Variants in ROR2 observed in about 807,000 individuals in gnomAD.
ROR2 encodes ROR family WNT receptor 2.
In ROR2, 33 loss-of-function variants were observed where a neutral mutation model predicts 74.9. That is an observed-to-expected ratio of 0.44 (90% CI 0.33 to 0.59). The LOEUF (loss-of-function observed/expected upper bound fraction) is 0.59. Ranked by LOEUF, ROR2 falls within the 20% of genes least tolerant of loss-of-function variation. ROR2 has a pLI of 0.02. For missense variants in ROR2, 1,216 were observed against 1,313.8 expected (o/e 0.93, Z 1.15); for synonymous variants, 586 against 558.7 (o/e 1.05, Z -0.69).
chr9:91,927,609 G>A (rs1268048222), intron 1 of ROR2, among the ~76,000 whole-genome samples: 1 of 119,034 alleles, frequency 8.4e-6, no homozygotes, highest in Non-Finnish European at 1.6e-5. Flanking sequence ...TGTCACCCAT[G>A]TTGGAGTGCA....
intron 1 of ROR2, among the ~76,000 whole-genome samples, chr9:91,929,291 G>A (rs973682731): frequency 2.6e-5 from 4 of 152,330 alleles, no homozygotes; most frequent in East Asian, 1.9e-4. Flanking sequence ...GTGAAGGAAC[G>A]CAAGGGAGGG....
intron 1 of ROR2, among the ~76,000 whole-genome samples, chr9:91,852,662 ATG>A (rs1829142343): frequency 1.1e-5 from 1 of 90,696 alleles, no homozygotes; most frequent in Admixed American, 1.3e-4. Context: ...CACACACACA[ATG>A]TAAGTCCATA....
At position 91,949,982 on chromosome 9, in the gene ROR2, C is replaced by G; in HGVS notation, c.-19G>C. 1.4e-6 allele frequency: 2 copies of G among 1,404,720 alleles called. No individual in the cohort carries two copies. The highest frequency in any genetic ancestry group is 1.5e-5 in the South Asian group (1 of 67,534). 87.0% of individuals were successfully genotyped at this position (1,404,720 alleles called of 1,614,324 possible). A position where few individuals can be genotyped will look rare whatever the true frequency, so the allele number is the denominator to read the frequency against. On this transcript the variant is annotated 5_prime_UTR_variant, in exon 1 of 9. Transcript: ENST00000375708. ...GGGCCATGCCGCAGGCAGTGGGGGCCGGGAAGCCCTCAGAGCTTCGGGCCG... is the reference window on the plus strand; with the variant it reads ...GGGCCATGCCGCAGGCAGTGGGGGCGGGGAAGCCCTCAGAGCTTCGGGCCG...
chr9:91,844,103 C>G (rs1224875095), intron 1 of ROR2, among the ~76,000 whole-genome samples: 2 of 152,360 alleles, frequency 1.3e-5, no homozygotes, highest in African/African-American at 4.8e-5. Flanking sequence ...CACGTTTCAG[C>G]AAGCTGCCCT....
chr9:91,891,559 G>A (rs1587825988), intron 1 of ROR2, among the ~76,000 whole-genome samples: 1 of 151,710 alleles, frequency 6.6e-6, no homozygotes, highest in Non-Finnish European at 1.5e-5. Context: ...GTGAGCTACC[G>A]CACCCGGCCC....
At chr9:91,786,425 A>C (rs1316033961) in intron 1 of ROR2, among the ~76,000 whole-genome samples, 1 of 152,144 alleles carries the variant, frequency 6.6e-6, no homozygotes, top group Non-Finnish European at 1.5e-5. Flanking sequence ...TGGCAGAGTG[A>C]TATCTAGGAT....
chr9:91,785,113 A>G (rs1172047448), intron 1 of ROR2, among the ~76,000 whole-genome samples: 1 of 152,094 alleles, frequency 6.6e-6, no homozygotes, highest in African/African-American at 2.4e-5. Flanking sequence ...ACACACACAG[A>G]GTTTGCTCCT....
chr9:91,904,057 G>C (rs949041053), intron 1 of ROR2, among the ~76,000 whole-genome samples: 10 of 151,152 alleles, frequency 6.6e-5, no homozygotes, highest in South Asian at 2.1e-4. Context: ...TTTTTGGGGG[G>C]GGGGACAGAG....
At chr9:91,767,318 C>T (rs1453563397) in intron 2 of ROR2, among the ~76,000 whole-genome samples, 1 of 152,126 alleles carries the variant, frequency 6.6e-6, no homozygotes, top group Non-Finnish European at 1.5e-5. Flanking sequence ...CGTGATCCAC[C>T]CGCCTCAGCC....
At chr9:91,866,321 T>C (rs577482714) in intron 1 of ROR2, among the ~76,000 whole-genome samples, 1 of 152,058 alleles carries the variant, frequency 6.6e-6, no homozygotes, top group African/African-American at 2.4e-5. Context: ...GGTTTCACCA[T>C]GTTGGTTAGG....
intron 1 of ROR2, among the ~76,000 whole-genome samples, chr9:91,863,871 T>C (rs958156547): frequency 3.3e-5 from 5 of 152,202 alleles, no homozygotes; most frequent in African/African-American, 9.7e-5. Flanking sequence ...CACTGGGTTA[T>C]AGACTTTAAA....
At chr9:91,922,765 T>A (rs1455728282) in intron 1 of ROR2, among the ~76,000 whole-genome samples, 1 of 152,110 alleles carries the variant, frequency 6.6e-6, no homozygotes, top group Non-Finnish European at 1.5e-5. Flanking sequence ...GAATATTTTT[T>A]AAAACTATTA....
chr9:91,757,464 G>C lies in ROR2; in HGVS notation c.271C>G (p.Pro91Ala). 1 of 1,613,868 alleles carries C rather than the reference G, an allele frequency of 6.2e-7. No homozygotes were observed. Among genetic ancestry groups the C allele is most frequent in the Non-Finnish European group, 8.5e-7 (1 of 1,179,978 alleles). Residue 91 changes from proline to alanine, a missense_variant, in exon 3 of 9, where the codon CCT becomes GCT. Coordinates refer to ENST00000375708, the MANE Select transcript of ROR2 (RefSeq NM_004560.4). ...TCATTCTTTAGCCACCGCACGTTAGGGGGTGGGTTTCCTGCCACCTTGCAG... is the reference window on the plus strand; with the variant it reads ...TCATTCTTTAGCCACCGCACGTTAGCGGGTGGGTTTCCTGCCACCTTGCAG... ...LHCKVAGNPP[P>A]NVRWLKNDAP...
At chr9:91,915,495 T>C (rs10992159) in intron 1 of ROR2, among the ~76,000 whole-genome samples, 50,056 of 151,964 alleles carry the variant, frequency 0.33, 8,626 homozygotes, top group Admixed American at 0.48. Context: ...TTCCTGACTT[T>C]AAGAATGAAG....
chr9:91,758,788 C>T (rs1014855219), intron 2 of ROR2, among the ~76,000 whole-genome samples: 5 of 152,186 alleles, frequency 3.3e-5, no homozygotes, highest in Non-Finnish European at 5.9e-5. Flanking sequence ...TGTGAGTATG[C>T]ATGTGTGGTG....
At chr9:91,865,767 G>A (rs1289884781) in intron 1 of ROR2, among the ~76,000 whole-genome samples, 1 of 152,176 alleles carries the variant, frequency 6.6e-6, no homozygotes, top group Non-Finnish European at 1.5e-5. Context: ...CTTATTTGGG[G>A]GCCACATCAA....
chr9:91,912,100 G>A (rs74334614), intron 1 of ROR2, among the ~76,000 whole-genome samples: 2,708 of 152,168 alleles, frequency 0.018, 88 homozygotes, highest in African/African-American at 0.062. Flanking sequence ...TGCAATGTGG[G>A]ATCCTGGATC....
intron 1 of ROR2, among the ~76,000 whole-genome samples, chr9:91,946,647 A>T (rs919419817): frequency 4.6e-5 from 7 of 152,248 alleles, no homozygotes; most frequent in African/African-American, 1.7e-4. Context: ...ATATAATTAG[A>T]ACTCTCCAAG....
Position 91,723,632 on chromosome 9 carries a change from C to G in ROR2, c.*30G>C, listed in dbSNP as rs902441691. The G allele has an allele frequency of 6.2e-7, 1 of 1,610,310 alleles. No individual in the cohort carries two copies. Among genetic ancestry groups the G allele is most frequent in the Non-Finnish European group, 8.5e-7 (1 of 1,178,870 alleles). ...TCCCTGTGGGGTCTCGGCGGGGCTT[C>G]TATCCCCGAACCCCGGGCCCTGGTG... On this transcript the variant is annotated 3_prime_UTR_variant, in exon 9 of 9. Transcript: ENST00000375708.
Sources: allele counts gnomAD v4.1 joint callset (sites outside exome capture counted in the v4.1 genomes callset), GRCh38; gene constraint gnomAD v4.1.1; transcripts MANE v1.5; gene names NCBI Gene and HGNC (gene_info 2026-07-23, HGNC 2026-07-21).